Variants in CDK14 observed in about 807,000 individuals in gnomAD.
CDK14 encodes the protein cyclin-dependent kinase 14.
CDK14 carries 34 observed loss-of-function variants against 60.7 expected under a neutral mutation model. The observed-to-expected ratio is 0.56, with a 90% confidence interval of 0.43 to 0.75. The LOEUF is 0.75. CDK14 is among the 30% of genes least tolerant of loss of function. The pLI, the probability that CDK14 is intolerant of heterozygous loss-of-function variation, is 0.00. For missense variants in CDK14, 482 were observed against 564.1 expected (o/e 0.85, Z 1.47); for synonymous variants, 197 against 203.7 (o/e 0.97, Z 0.28).
At chr7:90,786,982 A>G (rs1253762453) in intron 4 of CDK14, among the ~76,000 whole-genome samples, 1 of 152,122 alleles carries the variant, frequency 6.6e-6, no homozygotes, top group Non-Finnish European at 1.5e-5. Flanking sequence ...TAGACTATTA[A>G]AAAATTTCTT....
intron 5 of CDK14, among the ~76,000 whole-genome samples, chr7:90,851,261 T>G (rs1790637907): frequency 6.6e-6 from 1 of 152,106 alleles, no homozygotes; most frequent in African/African-American, 2.4e-5. Flanking sequence ...TCTGTGAGGG[T>G]TATTTCAGTT....
At chr7:90,682,211 A>T (rs1214590368) in intron 2 of CDK14, among the ~76,000 whole-genome samples, 1 of 152,168 alleles carries the variant, frequency 6.6e-6, no homozygotes, top group Non-Finnish European at 1.5e-5. Flanking sequence ...GTATCCAGTA[A>T]ACAGTAATAA....
intron 14 of CDK14, among the ~76,000 whole-genome samples, chr7:91,129,928 T>A (rs1212584132): frequency 1.3e-5 from 2 of 152,158 alleles, no homozygotes; most frequent in Admixed American, 6.6e-5. Flanking sequence ...AATGCATGGA[T>A]AAAATATTCA....
chr7:90,677,087 T>C (rs1343186891), intron 2 of CDK14, among the ~76,000 whole-genome samples: 3 of 152,192 alleles, frequency 2.0e-5, no homozygotes, highest in African/African-American at 7.2e-5. Context: ...TAGGATGTTC[T>C]TCAAAATTTG....
At chr7:91,008,140 A>AC (rs1562866069) in intron 10 of CDK14, among the ~76,000 whole-genome samples, 1 of 146,580 alleles carries the variant, frequency 6.8e-6, no homozygotes, top group Non-Finnish European at 1.5e-5. Flanking sequence ...AAAAAAAAAA[A>AC]AAAAACAAAC....
rs183905748 is a variant in CDK14 at position 91,060,466 on chromosome 7, G to T, written c.1105+14506G>T. 9.6e-3 allele frequency among the ~76,000 whole-genome samples: 1,464 copies of T among 152,080 alleles called. 22 individuals are homozygous for T. The highest frequency in any genetic ancestry group is 0.033 in the East Asian group (172 of 5,156). On this transcript the variant is annotated intron_variant, in intron 11 of 14. Transcript: ENST00000380050. ...TTATGATGTTAGCTGGTGATTTTGC[G>T]CGTTAGTTGATGCAGTTTCTTCCTA...
intron 11 of CDK14, among the ~76,000 whole-genome samples, chr7:91,073,162 A>G (rs906862671): frequency 6.6e-6 from 1 of 152,138 alleles, no homozygotes; most frequent in Non-Finnish European, 1.5e-5. Context: ...TTCAGGAAAT[A>G]CAGAGAACAC....
At chr7:90,894,866 C>T (rs911807305) in intron 6 of CDK14, among the ~76,000 whole-genome samples, 5 of 152,132 alleles carry the variant, frequency 3.3e-5, no homozygotes, top group African/African-American at 1.2e-4. Flanking sequence ...AACTATTTCT[C>T]ATTTCTAAGA....
In CDK14 at chr7:90,596,572, GT is replaced by G. The variant is rs1259883816; in HGVS notation, c.-55del. On this transcript the variant is annotated 5_prime_UTR_variant, in exon 1 of 15. Coordinates refer to ENST00000380050, the MANE Select transcript of CDK14 (RefSeq NM_001287135.2). ...CCCCGCGGCGCGCGCCCTCGCCGTTGTCTGAGCTGTGCCTGGACCAGTTTGG... is the reference window on the plus strand; with the variant it reads ...CCCCGCGGCGCGCGCCCTCGCCGTTGCTGAGCTGTGCCTGGACCAGTTTGG... 1 of 1,489,314 alleles carries G rather than the reference GT, an allele frequency of 6.7e-7. No individual in the cohort carries two copies. The highest frequency in any genetic ancestry group is 9.3e-7 in the Non-Finnish European group (1 of 1,072,240). 92.3% of individuals were successfully genotyped at this position (1,489,314 alleles called of 1,614,324 possible). A position where few individuals can be genotyped will look rare whatever the true frequency, so the allele number is the denominator to read the frequency against.
intron 14 of CDK14, among the ~76,000 whole-genome samples, chr7:91,193,356 A>G (rs1051187454): frequency 3.3e-5 from 5 of 152,166 alleles, no homozygotes; most frequent in African/African-American, 1.2e-4. Flanking sequence ...CTTGGCATTC[A>G]TCTGGTTCTT....
At chr7:90,947,306 G>C (rs547706533) in intron 8 of CDK14, among the ~76,000 whole-genome samples, 2 of 152,220 alleles carry the variant, frequency 1.3e-5, no homozygotes, top group African/African-American at 4.8e-5. Flanking sequence ...GGATCTGCTG[G>C]TCTAGGCTAC....
chr7:90,961,798 C>A (rs989989888), intron 9 of CDK14, among the ~76,000 whole-genome samples: 1 of 152,182 alleles, frequency 6.6e-6, no homozygotes, highest in African/African-American at 2.4e-5. Flanking sequence ...ACTCTCACTA[C>A]GGAAGTCCCT....
chr7:91,195,405 C>A (rs912027593), intron 14 of CDK14, among the ~76,000 whole-genome samples: 2 of 152,046 alleles, frequency 1.3e-5, no homozygotes, highest in African/African-American at 2.4e-5. Context: ...CTTTTACATG[C>A]ATAGACAAAA....
At chr7:90,826,906 G>A (rs904219574) in intron 5 of CDK14, among the ~76,000 whole-genome samples, 16 of 152,018 alleles carry the variant, frequency 1.1e-4, no homozygotes, top group African/African-American at 3.9e-4. Context: ...AAAGTGCAGA[G>A]CTTACATCAG....
intron 3 of CDK14, 36 bp downstream of exon 3, chr7:90,726,848 A>G (rs1327832987): frequency 1.9e-6 from 3 of 1,609,178 alleles, no homozygotes; most frequent in African/African-American, 1.3e-5. Flanking sequence ...CTGGGTAAAC[A>G]GAAGGAATAG....
At chr7:90,915,643 A>G (rs1336796300) in intron 7 of CDK14, among the ~76,000 whole-genome samples, 1 of 152,160 alleles carries the variant, frequency 6.6e-6, no homozygotes, top group Non-Finnish European at 1.5e-5. Flanking sequence ...TTGCCTACTG[A>G]TGTTGATTTC....
intron 1 of CDK14, among the ~76,000 whole-genome samples, chr7:90,597,996 A>G (rs147814632): frequency 2.0e-5 from 3 of 152,314 alleles, no homozygotes; most frequent in African/African-American, 7.2e-5. Context: ...ACATGTGGAG[A>G]GTCCCTGCAT....
At chr7:90,877,438 T>A (rs1223559263) in intron 6 of CDK14, among the ~76,000 whole-genome samples, 1 of 151,800 alleles carries the variant, frequency 6.6e-6, no homozygotes, top group Non-Finnish European at 1.5e-5. Context: ...TAACTTGTGG[T>A]GGCAGCTATT....
At chr7:90,802,356 T>C (rs545209776) in intron 5 of CDK14, among the ~76,000 whole-genome samples, 2 of 152,308 alleles carry the variant, frequency 1.3e-5, no homozygotes, top group South Asian at 4.1e-4. Context: ...TTGGCAACTG[T>C]TTTTAAAGAC....
Sources: gnomAD v4.1 joint callset for allele counts (sites outside exome capture counted in the v4.1 genomes callset) on GRCh38, gnomAD v4.1.1 for gene constraint, MANE v1.5 for transcripts, NCBI Gene and HGNC (gene_info 2026-07-23, HGNC 2026-07-21) for gene names.